The following RBFOX1 variants were observed in gnomAD, a reference collection of about 807,000 sequenced individuals.
The protein encoded by RBFOX1 is RNA binding fox-1 homolog 1, also known as RNA binding protein fox-1 homolog 1.
RBFOX1 carries 8 observed loss-of-function variants against 57.7 expected under a neutral mutation model. The observed-to-expected ratio is 0.14, with a 90% confidence interval of 0.08 to 0.25. The LOEUF is 0.25. Among genes scored for constraint, RBFOX1 ranks in the 10% least tolerant of loss-of-function variants. The pLI is 1.00. For missense variants in RBFOX1, 611 were observed against 548.5 expected (o/e 1.11, Z -1.14); for synonymous variants, 326 against 222.4 (o/e 1.47, Z -4.15).
In RBFOX1 at chr16:5,255,060, A is replaced by G. The variant is rs71390647; in HGVS notation, c.219+14955A>G. Among the ~76,000 whole-genome samples, 4 of 152,270 alleles carry G rather than the reference A, an allele frequency of 2.6e-5. No homozygotes were observed. The South Asian group carries it at 6.2e-4, about 24-fold the overall frequency. Reference sequence around the variant, plus strand: ...TTATTGGTTGCCCAGCTGTCATCAGATCAACATCTTCTGTTAGTTATAGCT... The same window carrying G: ...TTATTGGTTGCCCAGCTGTCATCAGGTCAACATCTTCTGTTAGTTATAGCT... On this transcript the variant is annotated intron_variant, in intron 1 of 2. Transcript: ENST00000585867.
At chr16:7,505,205 G>C (rs1474217105) in intron 4 of RBFOX1, among the ~76,000 whole-genome samples, 2 of 144,032 alleles carry the variant, frequency 1.4e-5, no homozygotes, top group African/African-American at 2.7e-5. Flanking sequence ...GTGCACCTCA[G>C]ACACTCTTTG....
intron 1 of RBFOX1, among the ~76,000 whole-genome samples, chr16:5,304,458 G>A (rs1408246003): frequency 6.6e-6 from 1 of 152,188 alleles, no homozygotes; most frequent in Non-Finnish European, 1.5e-5. Flanking sequence ...TCTGACCTGT[G>A]CACTTTAGGG....
intron 4 of RBFOX1, among the ~76,000 whole-genome samples, chr16:7,093,188 C>G (rs770307306): frequency 2.6e-5 from 4 of 152,200 alleles, no homozygotes; most frequent in African/African-American, 4.8e-5. Flanking sequence ...ATTCAGCACC[C>G]ATACTGGTCA....
chr16:7,288,525 A>G (rs1451475938), intron 4 of RBFOX1, among the ~76,000 whole-genome samples: 1 of 152,202 alleles, frequency 6.6e-6, no homozygotes, highest in Non-Finnish European at 1.5e-5. Context: ...TACACACAGT[A>G]AATGCTAAGT....
At position 5,918,393 on chromosome 16, in the gene RBFOX1, T is replaced by C. The variant is rs1027677343; in HGVS notation, c.351+51058T>C. 2.6e-5 allele frequency among the ~76,000 whole-genome samples: 4 copies of C among 152,226 alleles called. No homozygotes were observed. The East Asian group carries it at 7.7e-4, about 29-fold the overall frequency. On this transcript the variant is annotated intron_variant, in intron 4 of 19. Coordinates refer to the RBFOX1 transcript ENST00000641259. ...CCTTCGCCTCCCAAAGTGCTGGGAT[T>C]ATAGGCGAGAGCAACCACGCCCAGC...
intron 4 of RBFOX1, among the ~76,000 whole-genome samples, chr16:7,160,839 C>CTCCTCCTCCTCCTCCCTCCTCCT (rs2078179077): frequency 8.8e-6 from 1 of 113,252 alleles, no homozygotes; most frequent in African/African-American, 6.2e-5. Context: ...CTCCTCCTTC[C>CTCCTCCTCCTCCTCCCTCCTCCT]TCCTCCTCCT....
chr16:5,453,875 T>C (rs748299031), intron 1 of RBFOX1, among the ~76,000 whole-genome samples: 3 of 152,232 alleles, frequency 2.0e-5, no homozygotes, highest in Admixed American at 1.3e-4. Flanking sequence ...GGTTTTGTTA[T>C]TTCTTTGCCT....
intron 3 of RBFOX1, among the ~76,000 whole-genome samples, chr16:6,748,265 T>C (rs1568448161): frequency 1.3e-5 from 2 of 150,382 alleles, no homozygotes; most frequent in Non-Finnish European, 1.5e-5. Flanking sequence ...TCTTTTCTCT[T>C]TCTCTCTCTC....
In RBFOX1 at chr16:6,846,695, C is replaced by T. The variant is rs190898036; in HGVS notation, c.-16+192045C>T. On this transcript the variant is annotated intron_variant, in intron 3 of 15. Coordinates refer to ENST00000550418, the MANE Select transcript of RBFOX1 (RefSeq NM_018723.4). ...ATAAAATTTCATGAATGGTAACGTT[C>T]GCCAGTATCCGGGAGAATAAGGCTG... Among the ~76,000 whole-genome samples, 3 of 152,246 alleles carry T rather than the reference C, an allele frequency of 2.0e-5. No individual in the cohort carries two copies. In the East Asian group the frequency reaches 5.8e-4, roughly 29 times the overall value.
At position 6,533,308 on chromosome 16, in the gene RBFOX1, G is replaced by A. The variant is rs116666030; in HGVS notation, c.-63-121295G>A. ...TTTGAATGCTTTTGGGGAGAATGCA[G>A]TATCATCAGGAAAATTTGAGAACCT... On this transcript the variant is annotated intron_variant, in intron 2 of 15. Transcript: ENST00000550418. 1.0e-3 allele frequency among the ~76,000 whole-genome samples: 157 copies of A among 152,310 alleles called. 1 individual carries two copies. The highest frequency in any genetic ancestry group is 3.7e-3 in the African/African-American group (154 of 41,566).
intron 3 of RBFOX1, among the ~76,000 whole-genome samples, chr16:5,856,195 A>ATATATATATATACATATATG (rs2057035665): frequency 1.7e-5 from 1 of 60,246 alleles, no homozygotes; most frequent in African/African-American, 5.6e-5. Context: ...CTCTATATAT[A>ATATATATATATACATATATG]TATATATATA....
At chr16:6,690,705 A>G (rs1022138608) in intron 3 of RBFOX1, among the ~76,000 whole-genome samples, 2 of 151,188 alleles carry the variant, frequency 1.3e-5, no homozygotes, top group African/African-American at 4.9e-5. Flanking sequence ...ATCAAAAACA[A>G]TATTTCTAAC....
chr16:5,340,221 A>G (rs1007524153), intron 1 of RBFOX1, among the ~76,000 whole-genome samples: 2 of 152,186 alleles, frequency 1.3e-5, no homozygotes, highest in South Asian at 2.1e-4. Context: ...TTGTTTGTCC[A>G]TAAACCCAGA....
At chr16:6,038,207 T>C (rs2095392076) in intron 1 of RBFOX1, 1 of 149,032 alleles carries the variant, frequency 6.7e-6, no homozygotes, top group African/African-American at 2.5e-5. Context: ...AGATGGCATC[T>C]AACTCACCCT....
At chr16:7,434,739 T>A (rs1197034723) in intron 4 of RBFOX1, among the ~76,000 whole-genome samples, 6 of 82,392 alleles carry the variant, frequency 7.3e-5, no homozygotes, top group Non-Finnish European at 1.8e-4. Flanking sequence ...TGTTAACATT[T>A]TTTTTTTTTT....
intron 3 of RBFOX1, among the ~76,000 whole-genome samples, chr16:5,859,796 T>G (rs934614434): frequency 6.6e-6 from 1 of 152,234 alleles, no homozygotes; most frequent in African/African-American, 2.4e-5. Context: ...TCTATGGTCA[T>G]GTAACAGAAT....
intron 4 of RBFOX1, among the ~76,000 whole-genome samples, chr16:7,444,117 C>G (rs59843755): frequency 1.3e-5 from 2 of 152,206 alleles, no homozygotes; most frequent in African/African-American, 4.8e-5. Flanking sequence ...CGTTATTATA[C>G]TAAACCAACG....
chr16:5,523,623 A>G (rs995762719), intron 2 of RBFOX1, among the ~76,000 whole-genome samples: 1 of 150,768 alleles, frequency 6.6e-6, no homozygotes, highest in African/African-American at 2.4e-5. Context: ...TCTAAAACAA[A>G]CAAACAAACA....
At position 6,019,399 on chromosome 16, in the gene RBFOX1, G is replaced by A. The variant is rs1304796641; in HGVS notation, c.-720G>A. 2 of 986,196 alleles carry A rather than the reference G, an allele frequency of 2.0e-6. No individual in the cohort carries two copies. The highest frequency in any genetic ancestry group is 3.5e-5 in the African/African-American group (2 of 57,278). The allele number at this position is 986,196 out of a possible 1,614,324, so 61.1% of individuals were successfully genotyped here. On this transcript the variant is annotated 5_prime_UTR_variant, in exon 1 of 16. Coordinates refer to ENST00000550418, the MANE Select transcript of RBFOX1 (RefSeq NM_018723.4). The surrounding 1 kb of genome is among the most constrained non-coding windows in gnomAD (Gnocchi z 4.2). ...GCCCTGAAGTGGTTCTCCAAGCAGC[G>A]CGGAGGGTGGCGGACGGCGGACGGA...
Sources: allele counts gnomAD v4.1 joint callset (sites outside exome capture counted in the v4.1 genomes callset), GRCh38; gene constraint gnomAD v4.1.1; non-coding constraint Gnocchi (gnomAD v3.1); transcripts MANE v1.5; gene names NCBI Gene and HGNC (gene_info 2026-07-23, HGNC 2026-07-21).